Variants in NUDT3 observed in about 807,000 individuals in gnomAD.
NUDT3 encodes nudix hydrolase 3.
Under a neutral mutation model 23.6 loss-of-function variants are expected in NUDT3, and 9 were observed. The observed-to-expected ratio is 0.38, with a 90% CI of 0.23 to 0.66. The LOEUF (loss-of-function observed/expected upper bound fraction) is 0.66, where lower values mean the gene tolerates loss of function less well. Ranked by LOEUF, NUDT3 falls within the 30% of genes least tolerant of loss-of-function variation. The pLI, the probability that NUDT3 is intolerant of heterozygous loss-of-function variation, is 0.52. For missense variants in NUDT3, 172 were observed against 218.5 expected, an observed-to-expected ratio of 0.79 and a Z score of 1.34; for synonymous variants, 86 against 82.6, an observed-to-expected ratio of 1.04 and a Z score of -0.22.
rs200954440 is a variant in NUDT3 at position 34,342,289 on chromosome 6, CAAAAA to C, written c.100-322_100-318del. On this transcript the variant is annotated intron_variant, in intron 1 of 4. Coordinates refer to ENST00000607016, the MANE Select transcript of NUDT3 (RefSeq NM_006703.4). ...ACCTGACAAGGTGAATAGAAGACTT[CAAAAA>C]AAAAAAAAAAAAAAAAAAAAGAGGA... Among the ~76,000 whole-genome samples, 350 of 66,468 alleles carry C rather than the reference CAAAAA, an allele frequency of 5.3e-3. 1 individual carries two copies. Among genetic ancestry groups the C allele is most frequent in the African/African-American group, 0.014 (308 of 21,988 alleles). The allele number at this position is 66,468 out of a possible 152,430, so 43.6% of individuals were successfully genotyped here. A position where few individuals can be genotyped will look rare whatever the true frequency, so the allele number is the denominator to read the frequency against.
intron 1 of NUDT3, among the ~76,000 whole-genome samples, chr6:34,355,798 G>T (rs1450251351): frequency 6.6e-6 from 1 of 151,878 alleles, no homozygotes; most frequent in Non-Finnish European, 1.5e-5. Flanking sequence ...TATCTTTCAA[G>T]AAATTTGGAT....
chr6:34,324,842 C>T (rs1233342718), intron 2 of NUDT3, among the ~76,000 whole-genome samples: 1 of 151,422 alleles, frequency 6.6e-6, no homozygotes, highest in African/African-American at 2.4e-5. Context: ...AGCCTCAGAG[C>T]AGAGACGCTT....
At chr6:34,389,340 C>A (rs117258044) in intron 1 of NUDT3, among the ~76,000 whole-genome samples, 1 of 152,358 alleles carries the variant, frequency 6.6e-6, no homozygotes, top group East Asian at 1.9e-4. Context: ...AAGGTTCTTA[C>A]TTCCCCTTTG....
intron 2 of NUDT3, among the ~76,000 whole-genome samples, chr6:34,316,354 C>T (rs2113713671): frequency 6.6e-6 from 1 of 152,182 alleles, no homozygotes; most frequent in South Asian, 2.1e-4. Context: ...AAAATGGAGC[C>T]AAATGAAATG....
At chr6:34,360,268 AAAAAC>A (rs570654012) in intron 1 of NUDT3, among the ~76,000 whole-genome samples, 2 of 150,982 alleles carry the variant, frequency 1.3e-5, no homozygotes, top group South Asian at 2.1e-4. Flanking sequence ...AGCTAAAAAC[AAAAAC>A]AAAACAAAAC....
At chr6:34,352,804 G>T (rs1764497704) in intron 1 of NUDT3, among the ~76,000 whole-genome samples, 1 of 152,126 alleles carries the variant, frequency 6.6e-6, no homozygotes, top group African/African-American at 2.4e-5. Flanking sequence ...TGGGTTACAG[G>T]TCTGCCTCTG....
intron 1 of NUDT3, among the ~76,000 whole-genome samples, chr6:34,385,680 T>C (rs1765093661): frequency 1.3e-5 from 2 of 151,578 alleles, no homozygotes; most frequent in South Asian, 4.2e-4. Context: ...AAGTGAGCAG[T>C]AATTTCTTTT....
chr6:34,372,489 G>A (rs1045027155), intron 1 of NUDT3, among the ~76,000 whole-genome samples: 4 of 152,062 alleles, frequency 2.6e-5, no homozygotes, highest in Non-Finnish European at 5.9e-5. Flanking sequence ...TTTCTCTGAT[G>A]GCCAAGTGTC....
intron 1 of NUDT3, among the ~76,000 whole-genome samples, chr6:34,347,166 T>C (rs1433968298): frequency 6.6e-6 from 1 of 152,198 alleles, no homozygotes; most frequent in East Asian, 1.9e-4. Flanking sequence ...TGAAGTTTGA[T>C]TTTGACATAT....
chr6:34,352,567 T>G (rs1290469432), intron 1 of NUDT3, among the ~76,000 whole-genome samples: 4 of 152,216 alleles, frequency 2.6e-5, no homozygotes, highest in Admixed American at 1.3e-4. Flanking sequence ...GAATACACTG[T>G]AAAATCCCTG....
intron 1 of NUDT3, among the ~76,000 whole-genome samples, chr6:34,343,388 A>T (rs930970883): frequency 4.0e-4 from 58 of 146,052 alleles, no homozygotes; most frequent in Admixed American, 8.2e-4. Flanking sequence ...CGTCTCTACA[A>T]AAAAAAAAAA....
Position 34,343,232 on chromosome 6 carries a change from G to A in NUDT3, c.100-1260C>T, listed in dbSNP as rs140553982. On this transcript the variant is annotated intron_variant, in intron 1 of 4. Coordinates refer to ENST00000607016, the MANE Select transcript of NUDT3 (RefSeq NM_006703.4). ...ATGAAATCCACAGTAGTTTTTGGTT[G>A]ATATGTATATATACTCAGTTAAAAG... Among the ~76,000 whole-genome samples, 495 of 151,972 alleles carry A rather than the reference G, an allele frequency of 3.3e-3. 6 individuals are homozygous for A. Among genetic ancestry groups the A allele is most frequent in the African/African-American group, 0.011 (455 of 41,456 alleles).
At chr6:34,317,674 C>A (rs559734053) in intron 2 of NUDT3, among the ~76,000 whole-genome samples, 22 of 152,180 alleles carry the variant, frequency 1.4e-4, no homozygotes, top group African/African-American at 5.1e-4. Context: ...CATGAGATAA[C>A]AAATGATTAT....
At chr6:34,299,279 C>CGAAA (rs1359372757) in intron 2 of NUDT3, among the ~76,000 whole-genome samples, 1 of 152,090 alleles carries the variant, frequency 6.6e-6, no homozygotes, top group African/African-American at 2.4e-5. Flanking sequence ...CAAAATTATA[C>CGAAA]GAAAGCAGTT....
intron 2 of NUDT3, among the ~76,000 whole-genome samples, chr6:34,305,347 T>G (rs958336513): frequency 6.6e-6 from 1 of 152,148 alleles, no homozygotes; most frequent in Non-Finnish European, 1.5e-5. Flanking sequence ...AGTTTTCAGA[T>G]CTTTCTGTTT....
At chr6:34,326,733 T>C (rs1764037662) in intron 2 of NUDT3, among the ~76,000 whole-genome samples, 1 of 152,014 alleles carries the variant, frequency 6.6e-6, no homozygotes, top group South Asian at 2.1e-4. Context: ...CCCGACTAAC[T>C]GGGATTATAG....
Position 34,392,606 on chromosome 6 carries a change from C to G in NUDT3, c.-244G>C, listed in dbSNP as rs1231745024. On this transcript the variant is annotated 5_prime_UTR_variant, in exon 1 of 5. Coordinates refer to ENST00000607016, the MANE Select transcript of NUDT3 (RefSeq NM_006703.4). ...CCGCTGCCGCCAGGGCCGCCGCCCCCTCTGCCGCCGCCACCCCCGACGACG... is the reference window on the plus strand; with the variant it reads ...CCGCTGCCGCCAGGGCCGCCGCCCCGTCTGCCGCCGCCACCCCCGACGACG... 1 of 291,432 alleles carries G rather than the reference C, an allele frequency of 3.4e-6. No homozygotes were observed. The highest frequency in any genetic ancestry group is 5.3e-5 in the Admixed American group (1 of 18,938). The allele number at this position is 291,432 out of a possible 1,614,324, so 18.1% of individuals were successfully genotyped here.
intron 2 of NUDT3, among the ~76,000 whole-genome samples, chr6:34,330,908 G>C (rs1339494380): frequency 3.9e-5 from 6 of 152,218 alleles, no homozygotes; most frequent in Admixed American, 3.9e-4. Context: ...AGGCTGGAGT[G>C]CAATGGCACG....
At chr6:34,372,994 CGT>C (rs1764857157) in intron 1 of NUDT3, among the ~76,000 whole-genome samples, 2 of 151,552 alleles carry the variant, frequency 1.3e-5, no homozygotes, top group Middle Eastern at 6.8e-3. Context: ...AGAGCACGCG[CGT>C]GTGCCGGGCG....
Sources: gnomAD v4.1 joint callset for allele counts (sites outside exome capture counted in the v4.1 genomes callset) on GRCh38, gnomAD v4.1.1 for gene constraint, MANE v1.5 for transcripts, NCBI Gene and HGNC (gene_info 2026-07-23, HGNC 2026-07-21) for gene names.